Variants in LAMA3 observed in about 807,000 individuals in gnomAD.
LAMA3 encodes laminin subunit alpha 3.
LAMA3 carries 281 observed loss-of-function variants against 402.0 expected under a neutral mutation model. The ratio of observed to expected loss-of-function variants is 0.70; its 90% CI spans 0.63 to 0.77. The LOEUF is 0.77. Among genes scored for constraint, LAMA3 ranks in the 30% least tolerant of loss-of-function variants. The pLI is 0.00. For synonymous variants in LAMA3, 1,431 were observed against 1,558.4 expected, an observed-to-expected ratio of 0.92 and a Z score of 1.93; for missense variants, 3,840 against 4,215.5, an observed-to-expected ratio of 0.91 and a Z score of 2.47.
intron 67 of LAMA3, among the ~76,000 whole-genome samples, chr18:23,938,158 G>A (rs1208459566): frequency 6.6e-6 from 1 of 152,098 alleles, no homozygotes; most frequent in Non-Finnish European, 1.5e-5. Flanking sequence ...GTTTCTCTTC[G>A]TGCTAATATG....
At position 23,764,536 on chromosome 18, in the gene LAMA3, C is replaced by T. The variant is rs192835299; in HGVS notation, c.1182+1013C>T. Among the ~76,000 whole-genome samples, 73 of 151,526 alleles carry T rather than the reference C, an allele frequency of 4.8e-4. No homozygotes were observed. The East Asian group carries it at 0.013, about 27-fold the overall frequency. On this transcript the variant is annotated intron_variant, in intron 8 of 74. Coordinates refer to ENST00000313654, the MANE Select transcript of LAMA3 (RefSeq NM_198129.4). ...TCTCTCAGTGATATTATGTTTTGTA[C>T]TTTGCTGTTCCAGGAAACCATCAAT...
intron 11 of LAMA3, among the ~76,000 whole-genome samples, chr18:23,780,839 C>G (rs1264217147): frequency 6.6e-6 from 1 of 152,142 alleles, no homozygotes; most frequent in African/African-American, 2.4e-5. Context: ...TTCTGTCCTG[C>G]AGGCATTGGG....
chr18:23,793,363 C>T (rs1568189853), intron 12 of LAMA3, among the ~76,000 whole-genome samples: 1 of 151,910 alleles, frequency 6.6e-6, no homozygotes, highest in Non-Finnish European at 1.5e-5. Context: ...GTCAGCAAGG[C>T]CCCAAGATGT....
In LAMA3 at chr18:23,846,706, T is replaced by C. The variant is rs574905529; in HGVS notation, c.3931+198T>C. Among the ~76,000 whole-genome samples the C allele has an allele frequency of 2.0e-5, 3 of 152,388 alleles. No homozygotes were observed. In the East Asian group the frequency reaches 5.8e-4, roughly 29 times the overall value. On this transcript the variant is annotated intron_variant, in intron 31 of 74. Transcript: ENST00000313654. ...AGCACCCAGGTGATGCCCATGCTGC[T>C]GGTCCATGGACCGCACTCTAAGTAG...
At chr18:23,867,299 G>A (rs183001105) in intron 36 of LAMA3, among the ~76,000 whole-genome samples, 14 of 152,242 alleles carry the variant, frequency 9.2e-5, no homozygotes, top group Admixed American at 2.6e-4. Flanking sequence ...GCCCACACCT[G>A]TAATCCCAGC....
chr18:23,904,976 C>T (rs1321657230), intron 51 of LAMA3, among the ~76,000 whole-genome samples: 2 of 152,018 alleles, frequency 1.3e-5, no homozygotes, highest in Admixed American at 1.3e-4. Flanking sequence ...AGGTATGCTT[C>T]TATGCTGTGA....
intron 18 of LAMA3, 147 bp from the exon 19 acceptor site, chr18:23,819,694 G>A: frequency 1.4e-6 from 1 of 733,878 alleles, no homozygotes; most frequent in Non-Finnish European, 2.4e-6. Flanking sequence ...TTTGGAGAAA[G>A]AGCAGAAGAT....
At chr18:23,917,329 A>G (rs1294823177) in intron 60 of LAMA3, among the ~76,000 whole-genome samples, 1 of 152,232 alleles carries the variant, frequency 6.6e-6, no homozygotes, top group East Asian at 1.9e-4. Flanking sequence ...TGCAAGGAAC[A>G]TTGGCGTGCA....
chr18:23,788,800 C>T lies in LAMA3; in HGVS notation c.1603+4643C>T, dbSNP rs372988893. Among the ~76,000 whole-genome samples the T allele has an allele frequency of 8.8e-4, 134 of 151,474 alleles. 3 individuals carry two copies. In the South Asian group the frequency reaches 0.026, roughly 29 times the overall value. ...CATCAAAGTTAAAAACTCTTGCACTCGAAAGGGCACTATCAAAAAAGTGAA... is the reference window on the plus strand; with the variant it reads ...CATCAAAGTTAAAAACTCTTGCACTTGAAAGGGCACTATCAAAAAAGTGAA... On this transcript the variant is annotated intron_variant, in intron 12 of 74. Transcript: ENST00000313654.
At chr18:23,885,189 C>T (rs2065032038) in intron 41 of LAMA3, among the ~76,000 whole-genome samples, 2 of 150,840 alleles carry the variant, frequency 1.3e-5, no homozygotes, top group East Asian at 1.9e-4. Context: ...CTCTGCATAC[C>T]CCCTATTTCG....
chr18:23,833,845 G>T lies in LAMA3; in HGVS notation c.2841G>T (p.Arg947=). Reference sequence around the variant, plus strand: ...TGTGACAGGTGGAATTGCATCTGCGGCTGCGCATCCCACAGGTTGGCCACT... The same window carrying T: ...TGTGACAGGTGGAATTGCATCTGCGTCTGCGCATCCCACAGGTTGGCCACT... The part of the protein sequence containing the change: ...LSGREVELHL[R]LRIPQVGHYV... The change falls in exon 24 of 75, where the codon CGG becomes CGT. Residue 947 remains arginine (R), a synonymous_variant. Transcript: ENST00000313654. 1 of 1,613,334 alleles carries T rather than the reference G, an allele frequency of 6.2e-7. No homozygotes were observed. The highest frequency in any genetic ancestry group is 8.5e-7 in the Non-Finnish European group (1 of 1,180,024).
intron 22 of LAMA3, among the ~76,000 whole-genome samples, 194 bp from the exon 23 acceptor site, chr18:23,827,120 T>A (rs368192745): frequency 1.3e-5 from 2 of 152,232 alleles, no homozygotes; most frequent in Non-Finnish European, 2.9e-5. Context: ...TGTGGACCTT[T>A]GTTTCTTCTC....
At chr18:23,889,425 G>T (rs910605780) in intron 41 of LAMA3, among the ~76,000 whole-genome samples, 2 of 151,936 alleles carry the variant, frequency 1.3e-5, no homozygotes, top group East Asian at 1.9e-4. Context: ...AGCCAGAAAT[G>T]GTGGCATGCA....
intron 1 of LAMA3, chr18:23,710,405 G>T: frequency 3.5e-6 from 1 of 284,594 alleles, no homozygotes; most frequent in South Asian, 4.5e-5. Flanking sequence ...GGCTTTACTT[G>T]CAGGATTAGT....
At chr18:23,865,545 A>G (rs2064335659) in intron 36 of LAMA3, among the ~76,000 whole-genome samples, 1 of 152,122 alleles carries the variant, frequency 6.6e-6, no homozygotes. Context: ...AGGACAGGTG[A>G]CCCCTTTTCT....
chr18:23,883,743 C>A (rs559717237), intron 40 of LAMA3, among the ~76,000 whole-genome samples: 1 of 152,350 alleles, frequency 6.6e-6, no homozygotes, highest in East Asian at 1.9e-4. Flanking sequence ...TAGAAAGCAG[C>A]GAGATTTCCA....
chr18:23,914,229 T>A (rs1376169719), intron 56 of LAMA3, among the ~76,000 whole-genome samples, 181 bp from the exon 57 acceptor site: 3 of 152,234 alleles, frequency 2.0e-5, no homozygotes, highest in Non-Finnish European at 4.4e-5. Context: ...CAGAGACAGC[T>A]CTCACATTAT....
chr18:23,776,706 C>CCTCCCCAGGTGTGAATTCA (rs1253466149), intron 10 of LAMA3, among the ~76,000 whole-genome samples: 3 of 152,102 alleles, frequency 2.0e-5, no homozygotes, highest in Non-Finnish European at 4.4e-5. Context: ...CTCATTCACA[C>CCTCCCCAGGTGTGAATTCA]CTCCCACCCC....
intron 12 of LAMA3, among the ~76,000 whole-genome samples, chr18:23,807,214 T>C (rs2062979175): frequency 6.6e-6 from 1 of 152,154 alleles, no homozygotes; most frequent in East Asian, 1.9e-4. Context: ...CATTGTCTTA[T>C]GCCTATAATT....
Sources: gnomAD v4.1 joint callset for allele counts (sites outside exome capture counted in the v4.1 genomes callset) on GRCh38, gnomAD v4.1.1 for gene constraint, MANE v1.5 for transcripts, NCBI Gene and HGNC (gene_info 2026-07-23, HGNC 2026-07-21) for gene names.